The following LRRFIP1 variants were observed in gnomAD, a reference collection of about 807,000 sequenced individuals.
LRRFIP1 encodes the protein LRR binding FLII interacting protein 1.
LRRFIP1 carries 62 observed loss-of-function variants against 104.4 expected under a neutral mutation model. The observed-to-expected ratio is 0.59, with a 90% CI of 0.48 to 0.73. The LOEUF is 0.73. Ranked by LOEUF, LRRFIP1 falls within the 30% of genes least tolerant of loss-of-function variation. The pLI is 0.00. For synonymous variants in LRRFIP1, 300 were observed against 299.0 expected (o/e 1.00, Z -0.03); for missense variants, 796 against 824.5 (o/e 0.97, Z 0.42).
chr2:237,760,297 G>C, intron 19 of LRRFIP1, 92 bp downstream of exon 19: 1 of 1,407,290 alleles, frequency 7.1e-7, no homozygotes, highest in Admixed American at 2.1e-5. Context: ...CACCGTCGCT[G>C]ATGGGTTAAC....
At chr2:237,693,104 C>G (rs1184860784) in intron 1 of LRRFIP1, among the ~76,000 whole-genome samples, 1 of 152,230 alleles carries the variant, frequency 6.6e-6, no homozygotes, top group Non-Finnish European at 1.5e-5. Context: ...AGTCGTGGGG[C>G]TACGGCTGTA....
intron 2 of LRRFIP1, among the ~76,000 whole-genome samples, chr2:237,712,007 C>T (rs1339975893): frequency 7.9e-5 from 12 of 152,156 alleles, no homozygotes; most frequent in East Asian, 3.9e-4. Context: ...AAAGAGGGAT[C>T]GAAAGATCTT....
chr2:237,702,535 C>A (rs576516728), intron 1 of LRRFIP1, among the ~76,000 whole-genome samples: 1 of 152,162 alleles, frequency 6.6e-6, no homozygotes, highest in African/African-American at 2.4e-5. Flanking sequence ...CCTAACCCCG[C>A]GGGCAGCAGC....
rs527799467 is a variant in LRRFIP1, at chr2:237,704,292, A to T, written c.97-4252A>T. On this transcript the variant is annotated intron_variant, in intron 1 of 23. Coordinates refer to ENST00000308482, the MANE Select transcript of LRRFIP1 (RefSeq NM_001137550.2). ...CTCAGCCTCCCGAGTAGCTGGGATTACAGGTGCCCACCACCACGCCCAGCT... is the reference window on the plus strand; with the variant it reads ...CTCAGCCTCCCGAGTAGCTGGGATTTCAGGTGCCCACCACCACGCCCAGCT... Among the ~76,000 whole-genome samples, 3 of 151,664 alleles carry T rather than the reference A, an allele frequency of 2.0e-5. No individual in the cohort carries two copies. In the East Asian group the frequency reaches 5.8e-4, roughly 30 times the overall value.
At chr2:237,765,501 T>C in intron 19 of LRRFIP1, 1 of 850,460 alleles carries the variant, frequency 1.2e-6, no homozygotes, top group Non-Finnish European at 1.4e-6. Context: ...TTTCTAATCA[T>C]CATTCAAAAG....
At position 237,739,251 on chromosome 2, in the gene LRRFIP1, A is replaced by T; in HGVS notation, c.575A>T (p.His192Leu). The T allele has an allele frequency of 1.3e-6, 2 of 1,564,528 alleles. No homozygotes were observed. ...GSRAPSEYSG[H>L]LNSSSRASSR... ...GGGCAGCCCTCGGAGTACAGCGGCC[A>T]CCTCAACTCCAGCTCCCGCGCCTCC... The change falls in exon 11 of 24, where the codon CAC becomes CTC. Residue 192 changes from histidine to leucine, a missense_variant. Physicochemically the swap from His to Leu is moderately conservative, Grantham distance 99. Coordinates refer to ENST00000308482, the MANE Select transcript of LRRFIP1 (RefSeq NM_001137550.2).
chr2:237,741,814 C>T (rs1408153681), intron 11 of LRRFIP1, among the ~76,000 whole-genome samples: 2 of 149,244 alleles, frequency 1.3e-5, no homozygotes, highest in African/African-American at 5.0e-5. Flanking sequence ...GGCAACAAGG[C>T]AAGGCTCCGT....
chr2:237,654,380 T>C (rs2086440351), intron 1 of LRRFIP1, among the ~76,000 whole-genome samples: 1 of 152,120 alleles, frequency 6.6e-6, no homozygotes, highest in Non-Finnish European at 1.5e-5. Flanking sequence ...ACAGGAAATG[T>C]GGAGAAAAGG....
chr2:237,738,602 C>G (rs2095324598), intron 10 of LRRFIP1, among the ~76,000 whole-genome samples: 1 of 152,164 alleles, frequency 6.6e-6, no homozygotes, highest in Non-Finnish European at 1.5e-5. Context: ...CAGATGTGAA[C>G]ATAAATCAAA....
chr2:237,698,928 T>A (rs1195312240), intron 1 of LRRFIP1, among the ~76,000 whole-genome samples: 1 of 152,246 alleles, frequency 6.6e-6, no homozygotes, highest in Admixed American at 6.5e-5. Flanking sequence ...CCAGCGCACA[T>A]AATTTCGAGT....
intron 1 of LRRFIP1, among the ~76,000 whole-genome samples, chr2:237,678,587 C>G (rs1219096472): frequency 2.6e-5 from 4 of 152,134 alleles, no homozygotes; most frequent in Non-Finnish European, 5.9e-5. Context: ...CTCACTGCAA[C>G]TTCTGCTTCC....
chr2:237,774,956 G>A (rs1192803083), intron 23 of LRRFIP1, among the ~76,000 whole-genome samples: 1 of 152,216 alleles, frequency 6.6e-6, no homozygotes, highest in Non-Finnish European at 1.5e-5. Flanking sequence ...TACCATGCTT[G>A]CCAATTAAAA....
chr2:237,728,352 G>A (rs748473816), intron 8 of LRRFIP1, among the ~76,000 whole-genome samples: 16 of 152,112 alleles, frequency 1.1e-4, no homozygotes, highest in Non-Finnish European at 1.6e-4. Flanking sequence ...TACCTTAAAG[G>A]CATGTGTACA....
chr2:237,631,392 A>G (rs1227355153), intron 1 of LRRFIP1, among the ~76,000 whole-genome samples: 1 of 152,224 alleles, frequency 6.6e-6, no homozygotes, highest in Non-Finnish European at 1.5e-5. Context: ...CTGCTTCTGC[A>G]GCCGGTGTCC....
At chr2:237,685,607 T>C (rs939381973) in intron 1 of LRRFIP1, among the ~76,000 whole-genome samples, 2 of 152,136 alleles carry the variant, frequency 1.3e-5, no homozygotes, top group Admixed American at 1.3e-4. Context: ...CTCATTCCCA[T>C]GGAGCTCACA....
intron 1 of LRRFIP1, among the ~76,000 whole-genome samples, chr2:237,629,186 T>C (rs2081995595): frequency 6.6e-6 from 1 of 152,294 alleles, no homozygotes; most frequent in South Asian, 2.1e-4. Context: ...TGTCTATGTC[T>C]GTTACATTAA....
chr2:237,763,726 A>G (rs1455611517), intron 19 of LRRFIP1: 2 of 1,614,244 alleles, frequency 1.2e-6, no homozygotes, highest in East Asian at 2.2e-5. Context: ...AGGAGGTACT[A>G]GCTGATGGAG....
rs552469424 is a variant in LRRFIP1 at position 237,755,614 on chromosome 2, C to T, written c.1039-481C>T. On this transcript the variant is annotated intron_variant, in intron 15 of 23. Transcript: ENST00000308482. ...AGTCATCAGGCATCATCTATAAAGT[C>T]CAGAGGAATCTGTTTGTGTTGTTTG... Among the ~76,000 whole-genome samples, 26 of 152,286 alleles carry T rather than the reference C, an allele frequency of 1.7e-4. No individual in the cohort carries two copies. In the South Asian group the frequency reaches 5.4e-3, roughly 32 times the overall value.
At chr2:237,722,579 A>G (rs45578339) in intron 6 of LRRFIP1, among the ~76,000 whole-genome samples, 27,700 of 152,194 alleles carry the variant, frequency 0.18, 2,998 homozygotes, top group East Asian at 0.31. Flanking sequence ...TAGGATGTTC[A>G]CCATTAGGAC....
Sources: allele counts gnomAD v4.1 joint callset (sites outside exome capture counted in the v4.1 genomes callset), GRCh38; gene constraint gnomAD v4.1.1; transcripts MANE v1.5; gene names NCBI Gene and HGNC (gene_info 2026-07-23, HGNC 2026-07-21).